Variants in TULP4 observed in about 807,000 individuals in gnomAD.
The protein encoded by TULP4 is tubby-related protein 4.
A neutral mutation model predicts 129.0 loss-of-function variants in TULP4; 16 were observed. The observed-to-expected ratio is 0.12, with a 90% CI of 0.08 to 0.19. The LOEUF (loss-of-function observed/expected upper bound fraction) is 0.19. Ranked by LOEUF, TULP4 falls within the 10% of genes least tolerant of loss-of-function variation. TULP4 has a pLI of 1.00. For synonymous variants in TULP4, 998 were observed against 854.0 expected, an observed-to-expected ratio of 1.17 and a Z score of -2.94; for missense variants, 1,842 against 2,059.1, an observed-to-expected ratio of 0.89 and a Z score of 2.04.
chr6:158,447,882 G>A (rs1384444059), intron 3 of TULP4, among the ~76,000 whole-genome samples: 2 of 152,170 alleles, frequency 1.3e-5, no homozygotes, highest in Non-Finnish European at 2.9e-5. Flanking sequence ...AGATGCTGAC[G>A]GATAGACAGA....
intron 2 of TULP4, among the ~76,000 whole-genome samples, chr6:158,422,106 A>G (rs1360588855): frequency 1.3e-5 from 2 of 152,234 alleles, no homozygotes; most frequent in African/African-American, 4.8e-5. Context: ...AATGAAAGAA[A>G]AAGTAAGAAA....
chr6:158,263,891 C>T (rs956573464), intron 1 of TULP4, among the ~76,000 whole-genome samples: 1 of 151,798 alleles, frequency 6.6e-6, no homozygotes, highest in Non-Finnish European at 1.5e-5. Context: ...GGTGAAATCT[C>T]GTCTCTACTA....
At chr6:158,340,791 T>C (rs1780162712) in intron 1 of TULP4, among the ~76,000 whole-genome samples, 2 of 152,176 alleles carry the variant, frequency 1.3e-5, no homozygotes, top group African/African-American at 4.8e-5. Context: ...ACTTACTGCC[T>C]TCTGTTATTT....
intron 1 of TULP4, among the ~76,000 whole-genome samples, chr6:158,303,478 G>A (rs4299850): frequency 0.94 from 142,445 of 152,214 alleles, 66,716 homozygotes; most frequent in Admixed American, 0.96. Flanking sequence ...GGTAAAAAGC[G>A]TAACTACTAA....
At chr6:158,477,110 G>T (rs656895) in intron 6 of TULP4, among the ~76,000 whole-genome samples, 90,834 of 152,000 alleles carry the variant, frequency 0.6, 27,748 homozygotes, top group African/African-American at 0.73. Context: ...GTTTTTGTCA[G>T]GATGGGTGGT....
At chr6:158,388,971 G>C (rs705933) in intron 1 of TULP4, among the ~76,000 whole-genome samples, 111,632 of 152,104 alleles carry the variant, frequency 0.73, 41,427 homozygotes, top group African/African-American at 0.79. Context: ...TTAGTCTGTC[G>C]AGGTTTCATT....
chr6:158,444,614 G>A (rs2115115915), intron 3 of TULP4, among the ~76,000 whole-genome samples: 1 of 152,262 alleles, frequency 6.6e-6, no homozygotes, highest in East Asian at 1.9e-4. Flanking sequence ...CAAAGGTACT[G>A]ATGAGATACT....
At chr6:158,461,888 C>G (rs998496120) in intron 6 of TULP4, among the ~76,000 whole-genome samples, 159 bp downstream of exon 6, 1 of 152,132 alleles carries the variant, frequency 6.6e-6, no homozygotes, top group African/African-American at 2.4e-5. Flanking sequence ...TGCCTTTTAA[C>G]CAGAATGCTT....
At chr6:158,245,077 T>A (rs1778002031) in intron 1 of TULP4, among the ~76,000 whole-genome samples, 1 of 151,918 alleles carries the variant, frequency 6.6e-6, no homozygotes, top group South Asian at 2.1e-4. Flanking sequence ...CAGCCTGGCC[T>A]CCCAGGTTCA....
chr6:158,432,425 A>G (rs1241816011), intron 3 of TULP4, among the ~76,000 whole-genome samples: 1 of 152,204 alleles, frequency 6.6e-6, no homozygotes, highest in African/African-American at 2.4e-5. Context: ...AGGAAGCCGG[A>G]TGAGTCTCTT....
chr6:158,382,227 G>C (rs1182255839), intron 1 of TULP4, among the ~76,000 whole-genome samples: 1 of 152,088 alleles, frequency 6.6e-6, no homozygotes, highest in Non-Finnish European at 1.5e-5. Context: ...TCTGCGATTG[G>C]GAAAAACTGA....
intron 8 of TULP4, among the ~76,000 whole-genome samples, chr6:158,483,685 A>G (rs1420821933): frequency 6.6e-6 from 1 of 152,080 alleles, no homozygotes; most frequent in African/African-American, 2.4e-5. Flanking sequence ...AATGTGTTCC[A>G]TGCACCACCA....
At chr6:158,314,368 T>A (rs1779438250) in intron 1 of TULP4, 100 bp downstream of exon 1, 1 of 1,418,330 alleles carries the variant, frequency 7.1e-7, no homozygotes. Context: ...ATAGACTTGC[T>A]GCCTAGTGAG....
intron 1 of TULP4, among the ~76,000 whole-genome samples, chr6:158,236,800 T>C (rs11756794): frequency 0.12 from 1,810 of 15,672 alleles, 36 homozygotes; most frequent in Middle Eastern, 0.14. Flanking sequence ...CTTTTCTTTT[T>C]TTTTTTTTTT....
chr6:158,446,693 T>C lies in TULP4; in HGVS notation c.544-2303T>C, dbSNP rs1043794599. ...GACCAAGGGGCTTAAACAACAGACATTGAGTTCTCACAATTCTGGAGGCTG... is the reference window on the plus strand; with the variant it reads ...GACCAAGGGGCTTAAACAACAGACACTGAGTTCTCACAATTCTGGAGGCTG... On this transcript the variant is annotated intron_variant, in intron 3 of 13. Coordinates refer to ENST00000367097, the MANE Select transcript of TULP4 (RefSeq NM_020245.5). Among the ~76,000 whole-genome samples, 3 of 152,092 alleles carry C rather than the reference T, an allele frequency of 2.0e-5. No homozygotes were observed. The South Asian group carries it at 6.2e-4, about 32-fold the overall frequency.
chr6:158,486,247 A>T (rs1199558622), intron 8 of TULP4, among the ~76,000 whole-genome samples: 3 of 152,104 alleles, frequency 2.0e-5, no homozygotes, highest in Admixed American at 6.6e-5. Flanking sequence ...ATCTTAAGGG[A>T]GGTCCTAATC....
intron 1 of TULP4, among the ~76,000 whole-genome samples, chr6:158,296,634 A>C (rs112379418): frequency 0.013 from 1,946 of 152,152 alleles, 51 homozygotes; most frequent in African/African-American, 0.044. Flanking sequence ...CCCACCCCCA[A>C]TATTTCAACG....
At chr6:158,388,447 A>G (rs1777507275) in intron 1 of TULP4, among the ~76,000 whole-genome samples, 1 of 144,288 alleles carries the variant, frequency 6.9e-6, no homozygotes, top group Non-Finnish European at 1.5e-5. Context: ...CTCCTGCCTC[A>G]GCTTCCTGAG....
At chr6:158,360,408 A>C (rs1449648906) in intron 1 of TULP4, among the ~76,000 whole-genome samples, 1 of 152,202 alleles carries the variant, frequency 6.6e-6, no homozygotes, top group African/African-American at 2.4e-5. Flanking sequence ...TGCACATGTC[A>C]GTGTCTGCCC....
Sources: allele counts gnomAD v4.1 joint callset (sites outside exome capture counted in the v4.1 genomes callset), GRCh38; gene constraint gnomAD v4.1.1; transcripts MANE v1.5; gene names NCBI Gene and HGNC (gene_info 2026-07-23, HGNC 2026-07-21).